TXLNG: variants seen among roughly 807,000 people sequenced by gnomAD.
The protein encoded by TXLNG is taxilin gamma.
Under a neutral mutation model 38.8 loss-of-function variants are expected in TXLNG, and 5 were observed. That is an observed-to-expected ratio of 0.13 (90% CI 0.07 to 0.27). The LOEUF (loss-of-function observed/expected upper bound fraction) is 0.27. Among genes scored for constraint, TXLNG ranks in the 10% least tolerant of loss-of-function variants. TXLNG has a pLI of 1.00. For synonymous variants in TXLNG, 182 were observed against 158.2 expected, an observed-to-expected ratio of 1.15 and a Z score of -1.13; for missense variants, 393 against 398.2, an observed-to-expected ratio of 0.99 and a Z score of 0.11.
At chrX:16,813,448 G>T (rs1230438219) in intron 1 of TXLNG, among the ~76,000 whole-genome samples, 2 of 107,059 alleles carry the variant, frequency 1.9e-5, no homozygotes, top group Non-Finnish European at 3.8e-5. Context: ...TTTGAGACCA[G>T]CCTGGGCAAC....
chrX:16,815,914 T>C (rs1367870375), intron 1 of TXLNG, among the ~76,000 whole-genome samples: 1 of 111,007 alleles, frequency 9.0e-6, no homozygotes, highest in Non-Finnish European at 1.9e-5. Context: ...TCTCTTTATA[T>C]ATCTATGCGC....
At chrX:16,812,733 G>A (rs1005558498) in intron 1 of TXLNG, among the ~76,000 whole-genome samples, 4 of 65,815 alleles carry the variant, frequency 6.1e-5, no homozygotes, top group African/African-American at 2.0e-4. Context: ...GTGGAGTTTC[G>A]CTCTTATGCC....
intron 1 of TXLNG, among the ~76,000 whole-genome samples, chrX:16,800,688 C>A (rs1216336444): frequency 1.8e-5 from 2 of 110,399 alleles, no homozygotes; most frequent in African/African-American, 6.6e-5. Context: ...TCTCAGCCTC[C>A]TGGGTAGCTG....
chrX:16,804,971 A>C (rs199524956), intron 1 of TXLNG, among the ~76,000 whole-genome samples: 339 of 1,644 alleles, frequency 0.21, no homozygotes, highest in East Asian at 0.47. Flanking sequence ...ACCACTGCCC[A>C]CCCCCCCCCC....
chrX:16,824,700 C>T (rs1030317510), intron 3 of TXLNG, among the ~76,000 whole-genome samples: 18 of 108,743 alleles, frequency 1.7e-4, no homozygotes, highest in Admixed American at 5.0e-4. Flanking sequence ...AGGCGGATCA[C>T]GAGGTCAGGA....
chrX:16,833,660 G>A (rs186207378), intron 6 of TXLNG, among the ~76,000 whole-genome samples: 227 of 111,952 alleles, frequency 2.0e-3, no homozygotes, highest in Non-Finnish European at 2.6e-3. Flanking sequence ...TTCATTACAT[G>A]TGTGTACTTT....
intron 1 of TXLNG, among the ~76,000 whole-genome samples, chrX:16,790,554 G>A (rs1214754411): frequency 9.0e-6 from 1 of 110,789 alleles, no homozygotes; most frequent in Non-Finnish European, 1.9e-5. Context: ...TCTAAGGTTG[G>A]TATTTTTTTT....
chrX:16,819,734 A>AT (rs1307810663), intron 2 of TXLNG, among the ~76,000 whole-genome samples: 7 of 112,068 alleles, frequency 6.2e-5, no homozygotes, highest in Non-Finnish European at 1.1e-4. Context: ...TTCTCCTGTG[A>AT]TTATGTGTGT....
intron 1 of TXLNG, among the ~76,000 whole-genome samples, chrX:16,817,894 C>T (rs1053263296): frequency 3.6e-5 from 4 of 112,277 alleles, no homozygotes; most frequent in African/African-American, 1.3e-4. Flanking sequence ...CCTGTATGTA[C>T]ATAGGATATG....
chrX:16,815,036 T>A (rs1028114111), intron 1 of TXLNG, among the ~76,000 whole-genome samples: 8 of 112,339 alleles, frequency 7.1e-5, no homozygotes, highest in Admixed American at 9.5e-5. Context: ...ATGCTTCCCC[T>A]TTTTTCTACG....
intron 1 of TXLNG, among the ~76,000 whole-genome samples, chrX:16,811,092 A>G (rs745506958): frequency 8.9e-6 from 1 of 112,013 alleles, no homozygotes; most frequent in East Asian, 2.8e-4. Flanking sequence ...TTTGAGTACC[A>G]TTTGTGCATA....
rs769206263 is a variant in TXLNG, at chrX:16,800,816, G to A, written c.102+14227G>A. 3.6e-5 allele frequency among the ~76,000 whole-genome samples: 4 copies of A among 111,499 alleles called. No homozygotes were observed. The East Asian group carries it at 8.5e-4, about 24-fold the overall frequency. ...GCTTCAGCAACCTCAGACCTGATAC[G>A]GTTTGGATCTTGTTCCCTCCAAATC... On this transcript the variant is annotated intron_variant, in intron 1 of 9. Transcript: ENST00000380122.
rs187126198 is a variant in TXLNG, at chrX:16,798,383, T to A, written c.102+11794T>A. ...TTATCATTGGCAACAAGTACTGTTG[T>A]TTGCTTGCCTTGAAGTGGCAGGCTT... On this transcript the variant is annotated intron_variant, in intron 1 of 9. Transcript: ENST00000380122. Among the ~76,000 whole-genome samples, 242 of 111,976 alleles carry A rather than the reference T, an allele frequency of 2.2e-3. 1 individual carries two copies. The highest frequency in any genetic ancestry group is 7.7e-3 in the African/African-American group (239 of 30,877).
chrX:16,813,623 C>T (rs1413330883), intron 1 of TXLNG, among the ~76,000 whole-genome samples: 2 of 98,048 alleles, frequency 2.0e-5, no homozygotes, highest in East Asian at 3.1e-4. Context: ...GGCAACAAAG[C>T]GAGACCTCGT....
At chrX:16,787,416 A>G (rs769891077) in intron 1 of TXLNG, among the ~76,000 whole-genome samples, 1 of 109,833 alleles carries the variant, frequency 9.1e-6, no homozygotes, top group East Asian at 2.9e-4. Context: ...TTTTAATTTG[A>G]TGAGTGGAAA....
intron 3 of TXLNG, among the ~76,000 whole-genome samples, chrX:16,822,182 CA>C (rs753707371): frequency 2.9e-5 from 3 of 102,103 alleles, no homozygotes; most frequent in Admixed American, 1.1e-4. Flanking sequence ...ACTAAAAATA[CA>C]AAAAAAAATT....
In TXLNG at chrX:16,790,991, T is replaced by C. The variant is rs1011343844; in HGVS notation, c.102+4402T>C. Among the ~76,000 whole-genome samples the C allele has an allele frequency of 2.7e-5, 3 of 112,036 alleles. No individual in the cohort carries two copies. The Admixed American group carries it at 2.9e-4, about 11-fold the overall frequency. On this transcript the variant is annotated intron_variant, in intron 1 of 9. Coordinates refer to ENST00000380122, the MANE Select transcript of TXLNG (RefSeq NM_018360.3). The stretch of plus-strand genomic sequence containing the variant: ...AACCTTGGGCAAGTTTCTCAATCTT[T>C]CTAAGCTTCAGTTGCATCATCTGTA...
chrX:16,833,012 C>G (rs1301376867), intron 6 of TXLNG, among the ~76,000 whole-genome samples: 1 of 111,738 alleles, frequency 8.9e-6, no homozygotes, highest in Non-Finnish European at 1.9e-5. Context: ...GTGGGAAGAC[C>G]TGCACTTGTT....
intron 1 of TXLNG, among the ~76,000 whole-genome samples, chrX:16,804,985 C>CG (rs777605975): frequency 3.3e-3 from 7 of 2,134 alleles, no homozygotes; most frequent in Admixed American, 0.011. Context: ...CCCCCCCCCG[C>CG]TTTTTTTTTT....
Sources: gnomAD v4.1 joint callset for allele counts (sites outside exome capture counted in the v4.1 genomes callset) on GRCh38, gnomAD v4.1.1 for gene constraint, MANE v1.5 for transcripts, NCBI Gene and HGNC (gene_info 2026-07-23, HGNC 2026-07-21) for gene names.